Variants in DGKD observed in about 807,000 individuals in gnomAD.
The protein encoded by DGKD is DAG kinase delta.
DGKD carries 68 observed loss-of-function variants against 154.4 expected under a neutral mutation model. The ratio of observed to expected loss-of-function variants is 0.44; its 90% CI spans 0.36 to 0.54. The LOEUF is 0.54. DGKD is among the 20% of genes least tolerant of loss of function. DGKD has a pLI of 0.00. For synonymous variants in DGKD, 693 were observed against 638.0 expected (o/e 1.09, Z -1.30); for missense variants, 1,343 against 1,593.6 (o/e 0.84, Z 2.68).
chr2:233,434,633 C>A, intron 4 of DGKD, 136 bp from the exon 5 acceptor site: 1 of 1,461,960 alleles, frequency 6.8e-7, no homozygotes, highest in African/African-American at 1.4e-5. Flanking sequence ...TATTGCTTGT[C>A]CTCTCAGCAG....
At position 233,388,116 on chromosome 2, in the gene DGKD, G is replaced by A. The variant is rs1703309009; in HGVS notation, c.157-141G>A. The A allele has an allele frequency of 2.0e-6, 3 of 1,514,092 alleles. No individual in the cohort carries two copies. In the South Asian group the frequency reaches 4.0e-5, roughly 20 times the overall value. 93.8% of individuals were successfully genotyped at this position (1,514,092 alleles called of 1,614,324 possible). On this transcript the variant is annotated intron_variant, in intron 1 of 29. Transcript: ENST00000264057. ...GGCAGCGTGCTGGGCCTGTGCATAG[G>A]TCAAGGTCTGTTGAGAGTGTGAGAA...
At chr2:233,447,170 G>T (rs567176733) in intron 12 of DGKD, among the ~76,000 whole-genome samples, 1 of 139,428 alleles carries the variant, frequency 7.2e-6, no homozygotes, top group South Asian at 2.3e-4. Flanking sequence ...GCTCTAGCCG[G>T]CTCTGCCGCG....
chr2:233,436,039 T>C, intron 6 of DGKD, 115 bp downstream of exon 6: 1 of 1,142,902 alleles, frequency 8.7e-7, no homozygotes, highest in Non-Finnish European at 1.2e-6. Flanking sequence ...ATGGTCACAC[T>C]GGCATTGGGT....
At chr2:233,383,044 CTTT>C (rs1295590779) in intron 1 of DGKD, among the ~76,000 whole-genome samples, 1 of 141,544 alleles carries the variant, frequency 7.1e-6, no homozygotes. Context: ...TTCTTTCTTT[CTTT>C]TTTTTTTTTT....
intron 29 of DGKD, 73 bp downstream of exon 29, chr2:233,468,626 C>CGTT (rs2063902741): frequency 6.3e-7 from 1 of 1,590,732 alleles, no homozygotes; most frequent in East Asian, 2.2e-5. Context: ...CATCCTCTCC[C>CGTT]CCGACCTGGC....
At chr2:233,421,151 A>G (rs1420177119) in intron 3 of DGKD, among the ~76,000 whole-genome samples, 4 of 152,096 alleles carry the variant, frequency 2.6e-5, no homozygotes, top group Non-Finnish European at 5.9e-5. Context: ...CTGAGACTTT[A>G]ATCGACACCG....
At chr2:233,404,387 C>A (rs759007388) in intron 3 of DGKD, among the ~76,000 whole-genome samples, 47 of 152,266 alleles carry the variant, frequency 3.1e-4, no homozygotes, top group Middle Eastern at 3.4e-3. Context: ...AGTTTGTTCT[C>A]CCCTGCAGAG....
At chr2:233,468,295 C>A in intron 28 of DGKD, 128 bp from the exon 29 acceptor site, 1 of 1,174,700 alleles carries the variant, frequency 8.5e-7, no homozygotes, top group Non-Finnish European at 1.2e-6. Context: ...GCTGGGCTGT[C>A]TCGGGTGCTG....
intron 3 of DGKD, among the ~76,000 whole-genome samples, chr2:233,397,305 G>C (rs1205421712): frequency 1.9e-5 from 2 of 104,676 alleles, no homozygotes; most frequent in African/African-American, 7.8e-5. Context: ...GTGGCTGGGG[G>C]GGGGGCCAGA....
At position 233,392,508 on chromosome 2, in the gene DGKD, T is replaced by C. The variant is rs527988521; in HGVS notation, c.348+2025T>C. On this transcript the variant is annotated intron_variant, in intron 3 of 29. Transcript: ENST00000264057. ...ATTGCAGTTTTAAACAATTGTTTTT[T>C]CTGTTTTTAATTTTAATGGATACAT... 2.0e-5 allele frequency: 3 copies of C among 152,336 alleles called. No homozygotes were observed. In the East Asian group the frequency reaches 5.8e-4, roughly 29 times the overall value. The allele number at this position is 152,336 out of a possible 1,614,324, so 9.4% of individuals were successfully genotyped here.
Position 233,438,760 on chromosome 2 carries a change from ATC to A in DGKD, c.1085+383_1085+384del, listed in dbSNP as rs2062790611. 4.1e-5 allele frequency among the ~76,000 whole-genome samples: 1 copy of A among 24,254 alleles called. No individual in the cohort carries two copies. Among genetic ancestry groups the A allele is most frequent in the African/African-American group, 1.1e-4 (1 of 8,902 alleles). The allele number at this position is 24,254 out of a possible 152,430, so 15.9% of individuals were successfully genotyped here. On this transcript the variant is annotated intron_variant, in intron 9 of 29. Coordinates refer to ENST00000264057, the MANE Select transcript of DGKD (RefSeq NM_152879.3). The surrounding 1 kb of genome is among the most constrained non-coding windows in gnomAD (Gnocchi z 4.1). ...TTATTTATCTGTCTATCTATCATCT[ATC>A]TATCTATCTATCTATCTATCTATCT...
chr2:233,354,705 C>T lies in DGKD; in HGVS notation c.156+31C>T. 1 of 978,600 alleles carries T rather than the reference C, an allele frequency of 1.0e-6. No individual in the cohort carries two copies. The highest frequency in any genetic ancestry group is 1.2e-6 in the Non-Finnish European group (1 of 826,492). 60.6% of individuals were successfully genotyped at this position (978,600 alleles called of 1,614,324 possible). A position where few individuals can be genotyped will look rare whatever the true frequency, so the allele number is the denominator to read the frequency against. The stretch of plus-strand genomic sequence containing the variant: ...CCCGCGGCGCGGCGGCCCGGGCGCG[C>T]GCCCCTCACGCCGCGGCAGCCCCGG... On this transcript the variant is annotated intron_variant, in intron 1 of 29. Transcript: ENST00000264057. The surrounding 1 kb of genome is among the most constrained non-coding windows in gnomAD (Gnocchi z 4.8).
chr2:233,376,300 A>G (rs1206065566), intron 1 of DGKD, among the ~76,000 whole-genome samples: 1 of 152,200 alleles, frequency 6.6e-6, no homozygotes, highest in Non-Finnish European at 1.5e-5. Context: ...AATGTTTTTC[A>G]TTTGCTGTCT....
rs1277254870 is a variant in DGKD at position 233,436,447 on chromosome 2, T to C, written c.819+6T>C. On this transcript the variant is annotated splice_donor_region_variant and intron_variant, in intron 7 of 29. Coordinates refer to ENST00000264057, the MANE Select transcript of DGKD (RefSeq NM_152879.3). ...GCCTCTGGTGCAAGGCCATGGTGAG[T>C]GTGGGCCCTGCGCCCGGGCTGGAGG... 1.2e-6 allele frequency: 2 copies of C among 1,610,588 alleles called. No individual in the cohort carries two copies. Among genetic ancestry groups the C allele is most frequent in the African/African-American group, 1.3e-5 (1 of 74,888 alleles).
chr2:233,457,171 G>A lies in DGKD; in HGVS notation c.2473-50G>A, dbSNP rs1195212253. 6.9e-7 allele frequency: 1 copy of A among 1,442,688 alleles called. No individual in the cohort carries two copies. Among genetic ancestry groups the A allele is most frequent in the Non-Finnish European group, 9.4e-7 (1 of 1,062,498 alleles). 89.4% of individuals were successfully genotyped at this position (1,442,688 alleles called of 1,614,324 possible). ...GTGGGAAGCTGGTAGAGAAGGAGGG[G>A]CTGACTCATACCTTTCTCTTTTCTT... is the stretch of plus-strand genomic sequence containing the variant. On this transcript the variant is annotated intron_variant, in intron 20 of 29. Transcript: ENST00000264057. This position sits in a 1 kb window ranked among gnomAD's most constrained non-coding sequence, Gnocchi z 5.5.
In DGKD at chr2:233,438,338, C is replaced by T. The variant is rs369225332; in HGVS notation, c.1044C>T (p.Pro348=). 123 of 1,614,002 alleles carry T rather than the reference C, an allele frequency of 7.6e-5. No homozygotes were observed. Among genetic ancestry groups the T allele is most frequent in the South Asian group, 1.1e-4 (10 of 91,074 alleles). The change falls in exon 9 of 30, where the codon CCC becomes CCT. Residue 348 remains proline (P), a synonymous_variant. Coordinates refer to ENST00000264057, the MANE Select transcript of DGKD (RefSeq NM_152879.3). The surrounding 1 kb of genome is among the most constrained non-coding windows in gnomAD (Gnocchi z 4.1). ...GAAGATTCAAACAGCTACTAAACCC[C>T]GCCCAGGTCTTCGACCTCATGAACG... ...FLRRFKQLLN[P]AQVFDLMNGG...
At chr2:233,411,665 C>CT (rs2061834413) in intron 3 of DGKD, among the ~76,000 whole-genome samples, 1 of 152,100 alleles carries the variant, frequency 6.6e-6, no homozygotes, top group Non-Finnish European at 1.5e-5. Flanking sequence ...AGAAGTCTTT[C>CT]TTTTTGGTGA....
chr2:233,387,716 G>A (rs912992235), intron 1 of DGKD, among the ~76,000 whole-genome samples: 2 of 152,058 alleles, frequency 1.3e-5, no homozygotes, highest in Non-Finnish European at 2.9e-5. Context: ...TCCTCTCATG[G>A]TGTGTGCAGA....
chr2:233,458,474 C>T lies in DGKD; in HGVS notation c.2694+77C>T, dbSNP rs1559175984. Reference sequence around the variant, plus strand: ...CTAAATTCTGGGGCAGTGCATGGAGCCTGGGAGGGTGGGCGCTTTCCAGGG... The same window carrying T: ...CTAAATTCTGGGGCAGTGCATGGAGTCTGGGAGGGTGGGCGCTTTCCAGGG... On this transcript the variant is annotated intron_variant, in intron 22 of 29. Transcript: ENST00000264057. This position sits in a 1 kb window ranked among gnomAD's most constrained non-coding sequence, Gnocchi z 6.6. 6 of 1,179,478 alleles carry T rather than the reference C, an allele frequency of 5.1e-6. No individual in the cohort carries two copies. The South Asian group carries it at 5.3e-5, about 10-fold the overall frequency. 73.1% of individuals were successfully genotyped at this position (1,179,478 alleles called of 1,614,324 possible).
Sources: gnomAD v4.1 joint callset for allele counts (sites outside exome capture counted in the v4.1 genomes callset) on GRCh38, gnomAD v4.1.1 for gene constraint, Gnocchi (gnomAD v3.1) non-coding constraint, MANE v1.5 for transcripts, NCBI Gene and HGNC (gene_info 2026-07-23, HGNC 2026-07-21) for gene names.